MUC4: variants seen among roughly 807,000 people sequenced by gnomAD.
MUC4 encodes mucin-4.
Under a neutral mutation model 257.9 loss-of-function variants are expected in MUC4, and 202 were observed. That is an observed-to-expected ratio of 0.78 (90% CI 0.70 to 0.88). The LOEUF is 0.88. Among genes scored for constraint, MUC4 ranks in the 40% least tolerant of loss-of-function variants. The probability of loss-of-function intolerance (pLI) is 0.00; values close to 1 mark genes in which losing one functional copy is unlikely to be tolerated. For synonymous variants in MUC4, 2,351 were observed against 2,757.1 expected, an observed-to-expected ratio of 0.85 and a Z score of 4.62; for missense variants, 5,976 against 6,513.7, an observed-to-expected ratio of 0.92 and a Z score of 2.84.
rs546676533 is a variant in MUC4, at chr3:195,786,382, C to G, written c.5198G>C (p.Ser1733Thr). Reference protein sequence around the residue: ...TGDTTPLPVTSPSSASTGHAS... With the variant: ...TGDTTPLPVTTPSSASTGHAS... Reference sequence around the variant, plus strand: ...GTGACCTGTGGATGCTGAGGAAGGGCTAGTGACAGGAAGAGGCGTGGTGTC... The same window carrying G: ...GTGACCTGTGGATGCTGAGGAAGGGGTAGTGACAGGAAGAGGCGTGGTGTC... The change falls in exon 2 of 25, where the codon AGC becomes ACC. Residue 1733 changes from serine (S) to threonine (T), a missense_variant. Transcript: ENST00000463781. The G allele has an allele frequency of 4.0e-6, 6 of 1,515,482 alleles. No individual in the cohort carries two copies. Among genetic ancestry groups the G allele is most frequent in the South Asian group, 3.6e-5 (3 of 82,372 alleles). The allele number at this position is 1,515,482 out of a possible 1,614,324, so 93.9% of individuals were successfully genotyped here. A position where few individuals can be genotyped will look rare whatever the true frequency, so the allele number is the denominator to read the frequency against.
intron 4 of MUC4, 138 bp downstream of exon 4, chr3:195,774,034 A>G: frequency 8.4e-7 from 1 of 1,196,358 alleles, no homozygotes; most frequent in Non-Finnish European, 1.1e-6. Context: ...GAGGCCTGAC[A>G]TTAAGGAGGC....
At position 195,790,526 on chromosome 3, in the gene MUC4, C is replaced by T. The variant is rs1269041964; in HGVS notation, c.1054G>A (p.Val352Ile). Residue 352 changes from valine to isoleucine, a missense_variant, in exon 2 of 25, where the codon GTT (valine) becomes ATT (isoleucine). Coordinates refer to ENST00000463781, the MANE Select transcript of MUC4 (RefSeq NM_018406.7). ...TTGAATCCACTTGGTGAGGATAAAACAGTTGATGTTGTAACCGGTGTGAGG... is the reference window on the plus strand; with the variant it reads ...TTGAATCCACTTGGTGAGGATAAAATAGTTGATGTTGTAACCGGTGTGAGG... ...NTLTPVTTST[V>I]LSSPSGFNPS... 2 of 1,613,994 alleles carry T rather than the reference C, an allele frequency of 1.2e-6. No homozygotes were observed. The highest frequency in any genetic ancestry group is 2.2e-5 in the East Asian group (1 of 44,886).
chr3:195,774,104 C>T (rs1320768237), intron 4 of MUC4, 68 bp downstream of exon 4: 26 of 1,488,714 alleles, frequency 1.7e-5, no homozygotes, highest in Non-Finnish European at 2.2e-5. Flanking sequence ...CTCTGGGTTC[C>T]GTCTCGAAGC....
rs1349879392 is a variant in MUC4, at chr3:195,783,865, C to A, written c.7715G>T (p.Gly2572Val). 6.6e-7 allele frequency: 1 copy of A among 1,507,648 alleles called. No homozygotes were observed. Among genetic ancestry groups the A allele is most frequent in the Non-Finnish European group, 8.9e-7 (1 of 1,121,716 alleles). 93.4% of individuals were successfully genotyped at this position (1,507,648 alleles called of 1,614,324 possible). A position where few individuals can be genotyped will look rare whatever the true frequency, so the allele number is the denominator to read the frequency against. The change falls in exon 2 of 25, where the codon GGT becomes GTT. Residue 2572 changes from glycine (G) to valine (V), a missense_variant. Physicochemically the swap from Gly to Val is moderately radical, Grantham distance 109. Transcript: ENST00000463781. ...PVTDTSAAST[G>V]HATPLPVTST... ...GGTGACAGGAAGAGGGGTGGCGTGA[C>A]CTGTGGATGCTGCGGAAGTGTCGGT...
intron 1 of MUC4, among the ~76,000 whole-genome samples, chr3:195,808,083 G>A (rs1270210255): frequency 2.0e-5 from 3 of 152,212 alleles, no homozygotes; most frequent in Non-Finnish European, 4.4e-5. Context: ...AAACCCACAG[G>A]AAGCACGGGG....
At position 195,779,951 on chromosome 3, in the gene MUC4, C is replaced by A; in HGVS notation, c.11629G>T (p.Gly3877Cys). The stretch of plus-strand genomic sequence containing the variant: ...TCACCTGTGGAAGCTGAGGAAAGGC[C>A]GGTAACAGGAAGAGGGGTGGCGTGA... ...TGHATPLPVT[G>C]LSSASTGDTT... is the part of the protein sequence containing the mutation. The change falls in exon 2 of 25, where the codon GGC becomes TGC. Residue 3877 changes from glycine to cysteine, a missense_variant. Physicochemically the swap from Gly to Cys is radical, Grantham distance 159. Coordinates refer to ENST00000463781, the MANE Select transcript of MUC4 (RefSeq NM_018406.7). 1.1e-5 allele frequency: 16 copies of A among 1,425,200 alleles called. 2 individuals carry two copies. The highest frequency in any genetic ancestry group is 1.1e-5 in the Non-Finnish European group (12 of 1,088,164). The allele number at this position is 1,425,200 out of a possible 1,614,324, so 88.3% of individuals were successfully genotyped here.
chr3:195,794,936 C>A (rs1163764936), intron 1 of MUC4, among the ~76,000 whole-genome samples: 1 of 152,230 alleles, frequency 6.6e-6, no homozygotes, highest in African/African-American at 2.4e-5. Context: ...GACAAAGGCA[C>A]GGGCTGAACC....
chr3:195,791,217 T>TGTG lies in MUC4; in HGVS notation c.360_362dup (p.Thr121dup), dbSNP rs1560403854. The TGTG allele has an allele frequency of 5.0e-6, 8 of 1,613,728 alleles. No individual in the cohort carries two copies. The South Asian group carries it at 6.6e-5, about 13-fold the overall frequency. On this transcript the variant is annotated inframe_insertion, in exon 2 of 25. Transcript: ENST00000463781. The stretch of plus-strand genomic sequence containing the variant: ...TGTTGGTGACACTGGAGGGAAATGA[T>TGTG]GTGGTCATTTCATCTGGAGGAGCTG...
At chr3:195,766,895 A>G (rs1000512364) in intron 7 of MUC4, 144 bp from the exon 8 acceptor site, 12 of 691,350 alleles carry the variant, frequency 1.7e-5, no homozygotes, top group Non-Finnish European at 3.1e-5. Flanking sequence ...GCCAGCCCCC[A>G]TCGTCAAGCC....
chr3:195,756,844 G>A (rs1717777474), intron 18 of MUC4, among the ~76,000 whole-genome samples: 1 of 152,042 alleles, frequency 6.6e-6, no homozygotes, highest in Non-Finnish European at 1.5e-5. Context: ...TGTATTTTTA[G>A]TAGAGATGGG....
At chr3:195,797,076 C>G (rs1560412747) in intron 1 of MUC4, among the ~76,000 whole-genome samples, 2 of 152,062 alleles carry the variant, frequency 1.3e-5, no homozygotes, top group Admixed American at 6.5e-5. Context: ...AACCCCGTCT[C>G]TGGTAAAAAT....
At chr3:195,767,823 C>CCAT (rs1430416466) in intron 7 of MUC4, among the ~76,000 whole-genome samples, 3 of 98,552 alleles carry the variant, frequency 3.0e-5, no homozygotes, top group Middle Eastern at 5.3e-3. Flanking sequence ...ATCACCACCA[C>CCAT]CACCACCATC....
At chr3:195,762,492 C>T (rs1195860213) in intron 13 of MUC4, among the ~76,000 whole-genome samples, 1 of 151,058 alleles carries the variant, frequency 6.6e-6, no homozygotes, top group East Asian at 1.9e-4. Context: ...GCACCGGGCC[C>T]GGCACCACAA....
chr3:195,778,929 T>A lies in MUC4; in HGVS notation c.12651A>T (p.Ala4217=), dbSNP rs1438520442. Residue 4217 remains alanine (A), a synonymous_variant, in exon 2 of 25, where the codon GCA becomes GCT. Coordinates refer to ENST00000463781, the MANE Select transcript of MUC4 (RefSeq NM_018406.7). ...TPLPVTDTSS[A]STGHATPLPV... is the part of the protein sequence containing the mutation. ...GAAGAGGGGTGGCGTGACCTGTGGA[T>A]GCTGAGGAAGTGTCGGTGACAGGAA... 6.6e-7 allele frequency: 1 copy of A among 1,507,610 alleles called. No homozygotes were observed. Among genetic ancestry groups the A allele is most frequent in the African/African-American group, 1.5e-5 (1 of 68,558 alleles). 93.4% of individuals were successfully genotyped at this position (1,507,610 alleles called of 1,614,324 possible).
Position 195,762,171 on chromosome 3 carries a change from C to T in MUC4, c.14428G>A (p.Val4810Ile), listed in dbSNP as rs757291472. Reference protein sequence around the residue: ...VSASFDGWATVSVIALSNILH... With the variant: ...VSASFDGWATISVIALSNILH... ...ATGTTGGAGAGCGCGATCACCGAGACGGTGGCCCAGCCGTCGAAGCTGGCC... is the reference window on the plus strand; with the variant it reads ...ATGTTGGAGAGCGCGATCACCGAGATGGTGGCCCAGCCGTCGAAGCTGGCC... Residue 4810 changes from valine (V) to isoleucine (I), a missense_variant, in exon 14 of 25, where the codon GTC becomes ATC. Around this residue, in one of 44 missense-constraint regions of MUC4, gnomAD observed 996 missense variants for 1,137.3 expected, o/e 0.88. Coordinates refer to ENST00000463781, the MANE Select transcript of MUC4 (RefSeq NM_018406.7). 7 of 1,607,044 alleles carry T rather than the reference C, an allele frequency of 4.4e-6. No individual in the cohort carries two copies. Among genetic ancestry groups the T allele is most frequent in the African/African-American group, 2.7e-5 (2 of 74,832 alleles).
chr3:195,779,242 A>G lies in MUC4; in HGVS notation c.12338T>C (p.Leu4113Pro), dbSNP rs1725985163. 1 of 1,367,424 alleles carries G rather than the reference A, an allele frequency of 7.3e-7. No homozygotes were observed. The allele number at this position is 1,367,424 out of a possible 1,614,324, so 84.7% of individuals were successfully genotyped here. The change falls in exon 2 of 25, where the codon CTT becomes CCT. Residue 4113 changes from leucine to proline, a missense_variant. By Grantham distance (98) the Leu-to-Pro change is moderately conservative. This residue lies in a region of MUC4 where 293 missense variants were observed against 294.5 expected (regional missense o/e 1.00). Transcript: ENST00000463781. ...SSVSTGDTTP[L>P]PVTDTSSAST... ...TGCAGAGGAAGTGTCGGTGACAGGA[A>G]GAGGCGTGGTGTCACCTGTGGATAC...
intron 7 of MUC4, among the ~76,000 whole-genome samples, chr3:195,768,467 C>A (rs1279110043): frequency 1.3e-5 from 2 of 152,174 alleles, no homozygotes; most frequent in African/African-American, 4.8e-5. Context: ...CTTTTGGGTG[C>A]CCCCTGGATA....
chr3:195,782,775 G>A lies in MUC4; in HGVS notation c.8805C>T (p.Ser2935=). Residue 2935 remains serine (S), a synonymous_variant, in exon 2 of 25, where the codon TCC becomes TCT. Coordinates refer to ENST00000463781, the MANE Select transcript of MUC4 (RefSeq NM_018406.7). The stretch of plus-strand genomic sequence containing the variant: ...GGGTGGTGTCACCTGTGGATACTGA[G>A]GAAAGGCTGGTGACAGGAAGAGGGG... The part of the protein sequence containing the change: ...QATPLPVTSL[S]SVSTGDTTPL... 9 of 1,518,182 alleles carry A rather than the reference G, an allele frequency of 5.9e-6. No individual in the cohort carries two copies. In the East Asian group the frequency reaches 7.5e-5, roughly 13 times the overall value. 94.0% of individuals were successfully genotyped at this position (1,518,182 alleles called of 1,614,324 possible).
rs774969429 is a variant in MUC4, at chr3:195,784,506, A to AAGGCTGGTGACAGGAAGAGAGGT, written c.7073_7074insACCTCTCTTCCTGTCACCAGCCT (p.Ser2359ProfsTer653). 1 of 1,529,102 alleles carries AAGGCTGGTGACAGGAAGAGAGGT rather than the reference A, an allele frequency of 6.5e-7. No individual in the cohort carries two copies. The highest frequency in any genetic ancestry group is 1.2e-5 in the South Asian group (1 of 82,604). 94.7% of individuals were successfully genotyped at this position (1,529,102 alleles called of 1,614,324 possible). ...TGGTGTCACCTGTGGATACTGAGGA[A>AAGGCTGGTGACAGGAAGAGAGGT]GCGTCGGTGACATGAAGAGGGGTGG... is the stretch of plus-strand genomic sequence containing the variant. On this transcript the variant is annotated frameshift_variant, in exon 2 of 25. Coordinates refer to ENST00000463781, the MANE Select transcript of MUC4 (RefSeq NM_018406.7). LOFTEE classifies it high-confidence loss of function.
Sources: gnomAD v4.1 joint callset for allele counts (sites outside exome capture counted in the v4.1 genomes callset) on GRCh38, gnomAD v4.1.1 for gene constraint, gnomAD v4.1.1 regional missense constraint, MANE v1.5 for transcripts, NCBI Gene and HGNC (gene_info 2026-07-23, HGNC 2026-07-21) for gene names.